Variants in KAT2B observed in about 807,000 individuals in gnomAD.
The protein encoded by KAT2B is histone acetyltransferase KAT2B.
A neutral mutation model predicts 105.9 loss-of-function variants in KAT2B; 36 were observed. That is an observed-to-expected ratio of 0.34 (90% confidence interval 0.26 to 0.45). The LOEUF (loss-of-function observed/expected upper bound fraction) is 0.45, where lower values mean the gene tolerates loss of function less well. Ranked by LOEUF, KAT2B falls within the 20% of genes least tolerant of loss-of-function variation. The probability of loss-of-function intolerance (pLI) is 1.00; values close to 1 mark genes in which losing one functional copy is unlikely to be tolerated. For synonymous variants in KAT2B, 397 were observed against 377.9 expected (o/e 1.05, Z -0.59); for missense variants, 820 against 1,021.6 (o/e 0.80, Z 2.69).
At chr3:20,062,291 TATAATATATAAAATATAA>T (rs1212375049) in intron 1 of KAT2B, among the ~76,000 whole-genome samples, 7 of 56,974 alleles carry the variant, frequency 1.2e-4, no homozygotes, top group Admixed American at 2.4e-4. Context: ...AAATATAATA[TATAATATATAAAATATAA>T]TATATATAAA....
chr3:20,058,698 C>T (rs986295457), intron 1 of KAT2B, among the ~76,000 whole-genome samples: 4 of 152,094 alleles, frequency 2.6e-5, no homozygotes, highest in African/African-American at 9.7e-5. Context: ...TGCTGGCCTT[C>T]CATGTACAAC....
intron 1 of KAT2B, among the ~76,000 whole-genome samples, chr3:20,054,422 G>A (rs2929403): frequency 0.061 from 9,272 of 152,206 alleles, 321 homozygotes; most frequent in Non-Finnish European, 0.076. Flanking sequence ...TGAAGGAGAT[G>A]GATGCATTTA....
At chr3:20,100,346 AAC>A (rs1394989488) in intron 4 of KAT2B, among the ~76,000 whole-genome samples, 2 of 152,190 alleles carry the variant, frequency 1.3e-5, no homozygotes, top group Non-Finnish European at 2.9e-5. Context: ...CAATGTGAAA[AAC>A]ATTGTAAGTC....
chr3:20,101,099 C>G, intron 4 of KAT2B, 188 bp from the exon 5 acceptor site: 1 of 555,790 alleles, frequency 1.8e-6, no homozygotes, highest in Admixed American at 3.2e-5. Flanking sequence ...CACTTTTCAT[C>G]CACCGTGATC....
In KAT2B at chr3:20,054,152, C is replaced by T. The variant is rs1252522275; in HGVS notation, c.303+13372C>T. Among the ~76,000 whole-genome samples the T allele has an allele frequency of 1.0e-4, 15 of 148,458 alleles. No homozygotes were observed. The South Asian group carries it at 1.7e-3, about 17-fold the overall frequency. On this transcript the variant is annotated intron_variant, in intron 1 of 17. Transcript: ENST00000263754. ...TTGTTTTTTTGTTTTTTTTTTGAGACGGTGTCTCGCTCTGTCACCTAGGCT... is the reference window on the plus strand; with the variant it reads ...TTGTTTTTTTGTTTTTTTTTTGAGATGGTGTCTCGCTCTGTCACCTAGGCT...
At chr3:20,063,829 C>T (rs116860928) in intron 1 of KAT2B, among the ~76,000 whole-genome samples, 1 of 152,054 alleles carries the variant, frequency 6.6e-6, no homozygotes, top group African/African-American at 2.4e-5. Context: ...ACGTGAGCCA[C>T]CACGCCCGGC....
At chr3:20,053,212 C>T (rs1196494766) in intron 1 of KAT2B, among the ~76,000 whole-genome samples, 1 of 152,124 alleles carries the variant, frequency 6.6e-6, no homozygotes, top group African/African-American at 2.4e-5. Context: ...ACCACTGTTT[C>T]CTCTTCTGCA....
rs1439202975 is a variant in KAT2B at position 20,040,631 on chromosome 3, T to G, written c.154T>G (p.Cys52Gly). ...CGCTGCCGCCGGGGGCTCGGGCGCC[T>G]GCGGTCCGGCGACGGCAGTGGCTGC... ...CAAAAGGSGA[C>G]GPATAVAAAG... is the part of the protein sequence containing the mutation. The change falls in exon 1 of 18, where the codon TGC becomes GGC. Residue 52 changes from cysteine (C) to glycine (G), a missense_variant. Cys to Gly is a radical substitution (Grantham distance 159, BLOSUM62 -3). Coordinates refer to ENST00000263754, the MANE Select transcript of KAT2B (RefSeq NM_003884.5). 4.5e-5 allele frequency: 62 copies of G among 1,373,684 alleles called. No individual in the cohort carries two copies. The highest frequency in any genetic ancestry group is 5.4e-5 in the Non-Finnish European group (58 of 1,066,758). 85.1% of individuals were successfully genotyped at this position (1,373,684 alleles called of 1,614,324 possible). A position where few individuals can be genotyped will look rare whatever the true frequency, so the allele number is the denominator to read the frequency against.
rs1207819548 is a variant in KAT2B, at chr3:20,152,627, T to C, written c.*102T>C. ...ATTGGACATGATGTATTGAAGAGAC[T>C]TGTAAATGTAATAATTAGCACTTTT... On this transcript the variant is annotated 3_prime_UTR_variant, in exon 18 of 18. Transcript: ENST00000263754. The C allele has an allele frequency of 1.2e-6, 1 of 854,326 alleles. No homozygotes were observed. Among genetic ancestry groups the C allele is most frequent in the Non-Finnish European group, 1.8e-6 (1 of 564,816 alleles). The allele number at this position is 854,326 out of a possible 1,614,324, so 52.9% of individuals were successfully genotyped here.
At chr3:20,115,472 T>TATCTGGCC (rs1238120058) in intron 7 of KAT2B, among the ~76,000 whole-genome samples, 1 of 152,194 alleles carries the variant, frequency 6.6e-6, no homozygotes, top group African/African-American at 2.4e-5. Context: ...AAGCAGTTTA[T>TATCTGGCC]ATCTGGCCAT....
intron 1 of KAT2B, among the ~76,000 whole-genome samples, chr3:20,051,228 A>G (rs114109630): frequency 0.038 from 5,770 of 151,320 alleles, 138 homozygotes; most frequent in Non-Finnish European, 0.054. Flanking sequence ...AAACAAAAAA[A>G]ACAAATCAAG....
chr3:20,143,604 T>C (rs761504640), intron 13 of KAT2B, among the ~76,000 whole-genome samples: 1 of 152,178 alleles, frequency 6.6e-6, no homozygotes, highest in African/African-American at 2.4e-5. Flanking sequence ...GCAGCGCTAT[T>C]CACAATAACA....
chr3:20,084,802 G>T (rs35562268), intron 2 of KAT2B, among the ~76,000 whole-genome samples: 28,183 of 152,074 alleles, frequency 0.19, 2,888 homozygotes, highest in East Asian at 0.44. Context: ...TCTAAAAATA[G>T]AAGCTTTCAC....
chr3:20,061,448 A>G (rs1251566555), intron 1 of KAT2B, among the ~76,000 whole-genome samples: 5 of 152,114 alleles, frequency 3.3e-5, no homozygotes, highest in Non-Finnish European at 7.4e-5. Context: ...TGGGTGTCCA[A>G]ATATTTCTTT....
intron 2 of KAT2B, among the ~76,000 whole-genome samples, chr3:20,078,668 TTCA>T (rs1378471269): frequency 1.3e-5 from 2 of 151,580 alleles, no homozygotes; most frequent in Non-Finnish European, 2.9e-5. Context: ...TACCGCACCC[TTCA>T]TCATCTTTTT....
chr3:20,149,276 C>T (rs1299018367), intron 17 of KAT2B, among the ~76,000 whole-genome samples: 1 of 151,620 alleles, frequency 6.6e-6, no homozygotes, highest in Admixed American at 6.6e-5. Flanking sequence ...TAATCTATTC[C>T]AGGTGCTAAG....
chr3:20,124,543 C>T (rs938480800), intron 9 of KAT2B, among the ~76,000 whole-genome samples: 1 of 152,086 alleles, frequency 6.6e-6, no homozygotes, highest in African/African-American at 2.4e-5. Context: ...AGGGGTCTGC[C>T]CTGATGATCC....
At chr3:20,099,829 T>C in intron 3 of KAT2B, 33 bp from the exon 4 acceptor site, 1 of 1,226,310 alleles carries the variant, frequency 8.2e-7, no homozygotes, top group Non-Finnish European at 1.2e-6. Context: ...AATTAAGTTT[T>C]TCTTTTTCTT....
chr3:20,062,098 C>T (rs1230265785), intron 1 of KAT2B, among the ~76,000 whole-genome samples: 1 of 74,560 alleles, frequency 1.3e-5, no homozygotes, highest in African/African-American at 6.2e-5. Flanking sequence ...ATATATAAAA[C>T]ATATAATATA....
Sources: gnomAD v4.1 joint callset for allele counts (sites outside exome capture counted in the v4.1 genomes callset) on GRCh38, gnomAD v4.1.1 for gene constraint, MANE v1.5 for transcripts, NCBI Gene and HGNC (gene_info 2026-07-23, HGNC 2026-07-21) for gene names.